MAP3K15: variants seen among roughly 807,000 people sequenced by gnomAD.
The protein encoded by MAP3K15 is MAPK/ERK kinase kinase 15.
A neutral mutation model predicts 99.5 loss-of-function variants in MAP3K15; 124 were observed. The ratio of observed to expected loss-of-function variants is 1.25; its 90% CI spans 1.08 to 1.45. The LOEUF is 1.45. Ranked by LOEUF, MAP3K15 falls within the 40% of genes most tolerant of loss-of-function variation. The pLI is 0.00. For synonymous variants in MAP3K15, 494 were observed against 439.6 expected (o/e 1.12, Z -1.55); for missense variants, 1,242 against 1,079.7 (o/e 1.15, Z -2.11).
At chrX:19,484,967 G>T (rs1386742865) in intron 3 of MAP3K15, among the ~76,000 whole-genome samples, 1 of 110,994 alleles carries the variant, frequency 9.0e-6, no homozygotes, top group African/African-American at 3.3e-5. Context: ...TGGGCCTCAG[G>T]CCCAATCTCC....
At chrX:19,441,576 T>C (rs1343694015) in intron 6 of MAP3K15, among the ~76,000 whole-genome samples, 2 of 111,673 alleles carry the variant, frequency 1.8e-5, no homozygotes, top group Non-Finnish European at 3.8e-5. Context: ...GCTCAAGCCA[T>C]CCCGAGTAGC....
chrX:19,398,577 G>C (rs904791267), intron 14 of MAP3K15, among the ~76,000 whole-genome samples: 2 of 111,677 alleles, frequency 1.8e-5, no homozygotes, highest in African/African-American at 6.5e-5. Context: ...TTTATGAAAT[G>C]GAATCCAAGA....
At chrX:19,481,759 T>A (rs1265277363) in intron 3 of MAP3K15, 1 of 111,828 alleles carries the variant, frequency 8.9e-6, no homozygotes, top group Non-Finnish European at 1.9e-5. Context: ...ATGGCTATAA[T>A]AAAAAGACAG....
At chrX:19,393,926 C>A (rs933319264) in intron 16 of MAP3K15, among the ~76,000 whole-genome samples, 31 of 108,452 alleles carry the variant, frequency 2.9e-4, no homozygotes, top group African/African-American at 9.4e-4. Flanking sequence ...GCGCACGCCA[C>A]CACACCTGGC....
At chrX:19,365,645 T>TG (rs774572124) in intron 25 of MAP3K15, among the ~76,000 whole-genome samples, 1 of 112,367 alleles carries the variant, frequency 8.9e-6, no homozygotes, top group African/African-American at 3.2e-5. Flanking sequence ...CTTAACTGTG[T>TG]GTTCCTTTAA....
intron 18 of MAP3K15, among the ~76,000 whole-genome samples, chrX:19,385,508 C>G (rs1452958783): frequency 1.8e-5 from 2 of 111,317 alleles, no homozygotes; most frequent in African/African-American, 6.5e-5. Flanking sequence ...GTGTGACTAT[C>G]AGGAGGTAGG....
chrX:19,445,715 G>A (rs1025499217), intron 6 of MAP3K15, among the ~76,000 whole-genome samples: 2 of 110,112 alleles, frequency 1.8e-5, no homozygotes, highest in African/African-American at 6.6e-5. Context: ...GGCTGAGGCG[G>A]GTGGATCACC....
intron 3 of MAP3K15, chrX:19,482,178 T>TAAAAAAAA (rs2064295223): frequency 2.4e-5 from 1 of 42,402 alleles, no homozygotes; most frequent in African/African-American, 3.7e-4. Flanking sequence ...AGATTCCAGC[T>TAAAAAAAA]CAAAAAAAAA....
At chrX:19,374,719 C>T in intron 19 of MAP3K15, 59 bp from the exon 20 acceptor site, 2 of 1,067,826 alleles carry the variant, frequency 1.9e-6, no homozygotes, top group Non-Finnish European at 2.6e-6. Context: ...ATTCAGGTAT[C>T]CATGTCTCAG....
chrX:19,426,842 A>AAAAAAAAAAAAAAC, intron 7 of MAP3K15, among the ~76,000 whole-genome samples: 1 of 107,242 alleles, frequency 9.3e-6, no homozygotes, highest in Non-Finnish European at 1.9e-5. Flanking sequence ...AAAAAAAAAA[A>AAAAAAAAAAAAAAC]AGTCATAATA....
chrX:19,368,841 G>GT (rs773761949), intron 25 of MAP3K15, among the ~76,000 whole-genome samples: 4,511 of 94,006 alleles, frequency 0.048, 189 homozygotes, highest in African/African-American at 0.12. Flanking sequence ...CTGATTCTGA[G>GT]TTTTTTTTTT....
rs2063448091 is a variant in MAP3K15, at chrX:19,380,106, G to A, written c.2589+14C>T. 5 of 1,165,910 alleles carry A rather than the reference G, an allele frequency of 4.3e-6. No homozygotes were observed. Among genetic ancestry groups the A allele is most frequent in the Non-Finnish European group, 5.7e-6 (5 of 875,538 alleles). Reference sequence around the variant, plus strand: ...CCCAACCACGCCCAACCTCAATCACGAAGCATGACTTACTTTGAACATGGC... The same window carrying A: ...CCCAACCACGCCCAACCTCAATCACAAAGCATGACTTACTTTGAACATGGC... On this transcript the variant is annotated intron_variant, in intron 19 of 28. Coordinates refer to ENST00000338883, the MANE Select transcript of MAP3K15 (RefSeq NM_001001671.4).
chrX:19,448,565 G>T (rs1251081422), intron 6 of MAP3K15, among the ~76,000 whole-genome samples: 10 of 108,478 alleles, frequency 9.2e-5, no homozygotes, highest in Non-Finnish European at 1.7e-4. Context: ...GTCCCCCCCT[G>T]TCCCCGAAAA....
In MAP3K15 at chrX:19,373,656, C is replaced by T. The variant is rs2063396411; in HGVS notation, c.2813G>A (p.Gly938Glu). 8.3e-7 allele frequency: 1 copy of T among 1,199,605 alleles called. No individual in the cohort carries two copies. The highest frequency in any genetic ancestry group is 1.1e-6 in the Non-Finnish European group (1 of 893,156). ...GCTGCTGCTGGTGGCCATGGGCTCT[C>T]CCTGTGTGGGCAGGGCCAGGACGAC... is the stretch of plus-strand genomic sequence containing the variant. ...RGVVLALPTQ[G>E]EPMATSSSEH... Residue 938 changes from glycine to glutamate, a missense_variant, in exon 21 of 29, where the codon GGA (glycine) becomes GAA (glutamate). Physicochemically the swap from Gly to Glu is moderately conservative, Grantham distance 98. Transcript: ENST00000338883.
rs749471068 is a variant in MAP3K15, at chrX:19,515,038, G to C, written c.224C>G (p.Ala75Gly). The C allele has an allele frequency of 1.9e-6, 2 of 1,037,220 alleles. No homozygotes were observed. Among genetic ancestry groups the C allele is most frequent in the South Asian group, 4.4e-5 (2 of 45,313 alleles). 85.5% of individuals were successfully genotyped at this position (1,037,220 alleles called of 1,213,427 possible). ...CGCCCCAGCCTCCGGGCCGCCGGCC[G>C]CGCCGCCCTGGGAGCTCTCACTGCG... ...YVRSESSQGG[A>G]AGGPEAGARQ... The change falls in exon 1 of 29, where the codon GCG becomes GGG. Residue 75 changes from alanine to glycine, a missense_variant. Coordinates refer to ENST00000338883, the MANE Select transcript of MAP3K15 (RefSeq NM_001001671.4).
intron 14 of MAP3K15, among the ~76,000 whole-genome samples, chrX:19,398,738 A>G (rs971887670): frequency 6.2e-5 from 7 of 112,308 alleles, no homozygotes; most frequent in South Asian, 3.7e-4. Context: ...CAGGAAACAA[A>G]TATCTTTCAA....
chrX:19,432,843 C>G (rs1333396583), intron 6 of MAP3K15, among the ~76,000 whole-genome samples: 3 of 108,960 alleles, frequency 2.8e-5, no homozygotes, highest in African/African-American at 6.7e-5. Flanking sequence ...AGCCTTCCAA[C>G]GTAGCTGGGA....
intron 25 of MAP3K15, among the ~76,000 whole-genome samples, chrX:19,365,362 CCACT>C (rs1416336028): frequency 1.8e-5 from 2 of 112,359 alleles, no homozygotes; most frequent in African/African-American, 6.5e-5. Context: ...CTGGGTTTCC[CCACT>C]CAGTCTATCA....
Position 19,431,421 on chromosome X carries a change from T to A in MAP3K15, c.1166+17A>T. 8.4e-7 allele frequency: 1 copy of A among 1,195,740 alleles called. No homozygotes were observed. The highest frequency in any genetic ancestry group is 1.1e-6 in the Non-Finnish European group (1 of 891,960). On this transcript the variant is annotated intron_variant, in intron 7 of 28. Transcript: ENST00000338883. ...TTGAAGAGATGCAAGTGCTCATAAC[T>A]CGGGCTGAGGGTTTACCACTCAATG...
Sources: allele counts gnomAD v4.1 joint callset (sites outside exome capture counted in the v4.1 genomes callset), GRCh38; gene constraint gnomAD v4.1.1; transcripts MANE v1.5; gene names NCBI Gene and HGNC (gene_info 2026-07-23, HGNC 2026-07-21).